The following CDH12 variants were observed in gnomAD, a reference collection of about 807,000 sequenced individuals.
CDH12 encodes the protein cadherin-12.
A neutral mutation model predicts 74.1 loss-of-function variants in CDH12; 41 were observed. The ratio of observed to expected loss-of-function variants is 0.55; its 90% CI spans 0.43 to 0.72. CDH12 has a LOEUF of 0.72. CDH12 is among the 30% of genes least tolerant of loss of function. The probability of loss-of-function intolerance (pLI) is 0.00; values close to 1 mark genes in which losing one functional copy is unlikely to be tolerated. For missense variants in CDH12, 945 were observed against 977.2 expected (o/e 0.97, Z 0.44); for synonymous variants, 399 against 355.0 (o/e 1.12, Z -1.39).
At chr5:22,020,772 G>A (rs1737922356) in intron 5 of CDH12, among the ~76,000 whole-genome samples, 1 of 151,846 alleles carries the variant, frequency 6.6e-6, no homozygotes, top group South Asian at 2.1e-4. Context: ...TTCATAAAAT[G>A]TCAATTACCA....
intron 5 of CDH12, among the ~76,000 whole-genome samples, chr5:22,069,426 T>C (rs1343711984): frequency 6.6e-6 from 1 of 152,096 alleles, no homozygotes; most frequent in Non-Finnish European, 1.5e-5. Flanking sequence ...CAGCCAGGAA[T>C]AAATCTCAAG....
chr5:22,322,004 C>A (rs904728903), intron 3 of CDH12, among the ~76,000 whole-genome samples: 2 of 151,994 alleles, frequency 1.3e-5, no homozygotes, highest in Admixed American at 1.3e-4. Context: ...ATAGCAAATT[C>A]GTTATCTATT....
chr5:22,802,362 C>T (rs1182199449), intron 1 of CDH12, among the ~76,000 whole-genome samples: 1 of 151,960 alleles, frequency 6.6e-6, no homozygotes, highest in Non-Finnish European at 1.5e-5. Context: ...CCTTGTGATC[C>T]GCCCGCCTCA....
intron 5 of CDH12, among the ~76,000 whole-genome samples, chr5:21,981,512 G>A (rs1332709816): frequency 3.9e-5 from 6 of 152,000 alleles, no homozygotes; most frequent in African/African-American, 1.4e-4. Flanking sequence ...AATGTTTACA[G>A]TTGTTTTTTT....
intron 3 of CDH12, among the ~76,000 whole-genome samples, chr5:22,266,053 A>C (rs2150397051): frequency 6.8e-6 from 1 of 146,498 alleles, no homozygotes; most frequent in South Asian, 2.1e-4. Flanking sequence ...TTATTTATTT[A>C]TTTATTTATT....
intron 4 of CDH12, among the ~76,000 whole-genome samples, chr5:22,148,979 G>A (rs978303661): frequency 3.9e-5 from 6 of 152,074 alleles, no homozygotes; most frequent in South Asian, 2.1e-4. Context: ...TTAGCTGACC[G>A]TGGTAGTGCA....
intron 7 of CDH12, among the ~76,000 whole-genome samples, chr5:21,846,355 C>A (rs1181787901): frequency 1.3e-5 from 2 of 152,042 alleles, no homozygotes. Context: ...CCTATTAAAC[C>A]TCCGTTCTTA....
chr5:21,999,848 G>A lies in CDH12; in HGVS notation c.232-24463C>T, dbSNP rs1472533362. Among the ~76,000 whole-genome samples, 4 of 151,648 alleles carry A rather than the reference G, an allele frequency of 2.6e-5. No individual in the cohort carries two copies. The East Asian group carries it at 7.7e-4, about 29-fold the overall frequency. On this transcript the variant is annotated intron_variant, in intron 5 of 14. Coordinates refer to ENST00000382254, the MANE Select transcript of CDH12 (RefSeq NM_004061.5). Reference sequence around the variant, plus strand: ...TTAAAATCAACTGCCTGGGTTTGGTGCTATGACCTTGGGCAAAATAATTAA... The same window carrying A: ...TTAAAATCAACTGCCTGGGTTTGGTACTATGACCTTGGGCAAAATAATTAA...
At chr5:22,362,157 G>A (rs1740832501) in intron 3 of CDH12, among the ~76,000 whole-genome samples, 1 of 151,994 alleles carries the variant, frequency 6.6e-6, no homozygotes, top group African/African-American at 2.4e-5. Context: ...TACAGAATGG[G>A]AGAAAATTTT....
At chr5:22,779,128 G>C (rs568947030) in intron 1 of CDH12, among the ~76,000 whole-genome samples, 10 of 152,058 alleles carry the variant, frequency 6.6e-5, no homozygotes, top group African/African-American at 2.4e-4. Flanking sequence ...CCTGAAGGAA[G>C]TTTGTACAAC....
chr5:22,087,506 T>C (rs2150234156), intron 4 of CDH12, among the ~76,000 whole-genome samples: 1 of 152,204 alleles, frequency 6.6e-6, no homozygotes, highest in East Asian at 1.9e-4. Flanking sequence ...CTTGGTGTGG[T>C]GGCACACACC....
chr5:22,232,791 C>A (rs907267604), intron 3 of CDH12, among the ~76,000 whole-genome samples: 1 of 149,888 alleles, frequency 6.7e-6, no homozygotes, highest in South Asian at 2.1e-4. Context: ...TTTATTCATT[C>A]TCTCTAAGAA....
chr5:22,448,709 T>C (rs1744925659), intron 2 of CDH12, among the ~76,000 whole-genome samples: 1 of 152,056 alleles, frequency 6.6e-6, no homozygotes, highest in South Asian at 2.1e-4. Flanking sequence ...ATTAAGATTT[T>C]AATTTTTTTG....
At chr5:22,471,475 T>G (rs1267385659) in intron 2 of CDH12, among the ~76,000 whole-genome samples, 1 of 152,208 alleles carries the variant, frequency 6.6e-6, no homozygotes, top group Non-Finnish European at 1.5e-5. Flanking sequence ...AAAAATATTT[T>G]GCAATACTAT....
intron 1 of CDH12, among the ~76,000 whole-genome samples, chr5:22,640,253 G>A (rs2126869422): frequency 6.6e-6 from 1 of 152,068 alleles, no homozygotes; most frequent in East Asian, 1.9e-4. Flanking sequence ...TTACTTTTTT[G>A]CTTCAGCTCA....
chr5:22,361,484 C>T (rs1366642396), intron 3 of CDH12, among the ~76,000 whole-genome samples: 4 of 152,068 alleles, frequency 2.6e-5, no homozygotes, highest in African/African-American at 4.8e-5. Context: ...GAATCAATGT[C>T]GTGAAAATGG....
At chr5:22,125,056 T>A (rs1205254278) in intron 4 of CDH12, among the ~76,000 whole-genome samples, 1 of 152,172 alleles carries the variant, frequency 6.6e-6, no homozygotes, top group East Asian at 1.9e-4. Context: ...GTTACTTTTT[T>A]TTAAGTTTTT....
intron 5 of CDH12, among the ~76,000 whole-genome samples, chr5:22,024,666 C>T (rs1056889802): frequency 2.6e-5 from 4 of 152,210 alleles, no homozygotes; most frequent in African/African-American, 9.6e-5. Flanking sequence ...GCACATGCTA[C>T]CATGCCTGGC....
rs1451089222 is a variant in CDH12 at position 21,878,759 on chromosome 5, G to T, written c.527-23969C>A. ...ACAGTAAGAGACCCTGTTGAAAGAA[G>T]AAAAGAAAGAAAGAAAAGAAAGAAA... On this transcript the variant is annotated intron_variant, in intron 6 of 14. Coordinates refer to ENST00000382254, the MANE Select transcript of CDH12 (RefSeq NM_004061.5). 6.3e-5 allele frequency among the ~76,000 whole-genome samples: 6 copies of T among 95,832 alleles called. No homozygotes were observed. The South Asian group carries it at 1.6e-3, about 26-fold the overall frequency. The allele number at this position is 95,832 out of a possible 152,430, so 62.9% of individuals were successfully genotyped here. A position where few individuals can be genotyped will look rare whatever the true frequency, so the allele number is the denominator to read the frequency against.
Sources: gnomAD v4.1 joint callset for allele counts (sites outside exome capture counted in the v4.1 genomes callset) on GRCh38, gnomAD v4.1.1 for gene constraint, MANE v1.5 for transcripts, NCBI Gene and HGNC (gene_info 2026-07-23, HGNC 2026-07-21) for gene names.